The following AKNA variants were observed in gnomAD, a reference collection of about 807,000 sequenced individuals.
The protein encoded by AKNA is AT-hook transcription factor.
A neutral mutation model predicts 138.8 loss-of-function variants in AKNA; 67 were observed. The observed-to-expected ratio is 0.48, with a 90% confidence interval of 0.40 to 0.59. The LOEUF (loss-of-function observed/expected upper bound fraction) is 0.59, where lower values mean the gene tolerates loss of function less well. Ranked by LOEUF, AKNA falls within the 20% of genes least tolerant of loss-of-function variation. The pLI, the probability that AKNA is intolerant of heterozygous loss-of-function variation, is 0.00. For missense variants in AKNA, 1,813 were observed against 1,880.4 expected, an observed-to-expected ratio of 0.96 and a Z score of 0.66; for synonymous variants, 737 against 754.4, an observed-to-expected ratio of 0.98 and a Z score of 0.38.
At chr9:114,378,421 G>T (rs1020015965) in intron 2 of AKNA, among the ~76,000 whole-genome samples, 3 of 152,194 alleles carry the variant, frequency 2.0e-5, no homozygotes, top group Non-Finnish European at 4.4e-5. Flanking sequence ...TATTTGTGCA[G>T]TTGTTTCATT....
intron 11 of AKNA, among the ~76,000 whole-genome samples, chr9:114,358,679 A>G (rs1831686523): frequency 6.6e-6 from 1 of 152,050 alleles, no homozygotes; most frequent in African/African-American, 2.4e-5. Context: ...TTTCCACAGA[A>G]GTTCAAGAGA....
At chr9:114,365,239 T>C (rs4979369) in intron 6 of AKNA, among the ~76,000 whole-genome samples, 63,759 of 152,104 alleles carry the variant, frequency 0.42, 15,384 homozygotes, top group South Asian at 0.59. Context: ...ACATGTCCTT[T>C]GCATCCTTTG....
chr9:114,336,786 G>C lies in AKNA; in HGVS notation c.*268C>G. 2 of 407,420 alleles carry C rather than the reference G, an allele frequency of 4.9e-6. No homozygotes were observed. Among genetic ancestry groups the C allele is most frequent in the South Asian group, 2.0e-4 (2 of 9,896 alleles). The allele number at this position is 407,420 out of a possible 1,614,324, so 25.2% of individuals were successfully genotyped here. On this transcript the variant is annotated 3_prime_UTR_variant, in exon 22 of 22. Transcript: ENST00000374088. The stretch of plus-strand genomic sequence containing the variant: ...TGCAGGACCAGGAGAGACTGCCTGA[G>C]GTTCTGCCTGGACCGAAGGAGGCCT...
intron 14 of AKNA, among the ~76,000 whole-genome samples, chr9:114,353,261 G>T (rs201316004): frequency 1.0e-4 from 15 of 147,650 alleles, no homozygotes; most frequent in East Asian, 2.0e-4. Context: ...CTTATTTTTT[G>T]TTTTTTTTTT....
intron 15 of AKNA, among the ~76,000 whole-genome samples, chr9:114,349,758 T>C (rs1292093843): frequency 6.6e-6 from 1 of 152,200 alleles, no homozygotes; most frequent in Non-Finnish European, 1.5e-5. Context: ...CTTCCTTTAC[T>C]GCTCAACACT....
upstream of AKNA, among the ~76,000 whole-genome samples, chr9:114,389,016 G>T (rs1834227871): frequency 6.6e-6 from 1 of 152,178 alleles, no homozygotes; most frequent in African/African-American, 2.4e-5. Context: ...AAGAGTAATG[G>T]GTTGGAGGAG....
At chr9:114,358,223 G>C in intron 11 of AKNA, 56 bp from the exon 12 acceptor site, 1 of 1,606,434 alleles carries the variant, frequency 6.2e-7, no homozygotes. Context: ...CTGACGCAGG[G>C]GTTGGCCTGT....
At position 114,369,090 on chromosome 9, in the gene AKNA, G is replaced by A. The variant is rs558332003; in HGVS notation, c.1417-495C>T. The stretch of plus-strand genomic sequence containing the variant: ...TAATAATAGCAACTAATAGCTATTC[G>A]AATGAATGAGTGAACCAGCAAGTAA... On this transcript the variant is annotated intron_variant, in intron 4 of 21. Transcript: ENST00000374088. Among the ~76,000 whole-genome samples the A allele has an allele frequency of 5.3e-5, 8 of 152,046 alleles. No individual in the cohort carries two copies. In the East Asian group the frequency reaches 7.7e-4, roughly 15 times the overall value.
upstream of AKNA, chr9:114,396,606 G>A (rs4979376): frequency 0.42 from 62,918 of 151,526 alleles, 14,117 homozygotes; most frequent in Middle Eastern, 0.53. Flanking sequence ...TTGAACCTGG[G>A]CGGCAGATGT....
At chr9:114,385,325 G>C (rs1564099514) in intron 1 of AKNA, among the ~76,000 whole-genome samples, 1 of 152,160 alleles carries the variant, frequency 6.6e-6, no homozygotes, top group Non-Finnish European at 1.5e-5. Context: ...AGTGGCCCTG[G>C]GATAGGGCCC....
At chr9:114,365,519 G>A (rs538907122) in intron 6 of AKNA, among the ~76,000 whole-genome samples, 1 of 152,200 alleles carries the variant, frequency 6.6e-6, no homozygotes, top group Admixed American at 6.5e-5. Context: ...TCGGTTTTAA[G>A]AAAGCTCTAG....
At chr9:114,393,618 G>C (rs943801369) in intron 1 of AKNA, among the ~76,000 whole-genome samples, 7 of 152,058 alleles carry the variant, frequency 4.6e-5, no homozygotes, top group African/African-American at 1.7e-4. Flanking sequence ...GGTGATCATT[G>C]AAAGAAATTG....
At chr9:114,388,755 C>T (rs1564103468), upstream of AKNA, among the ~76,000 whole-genome samples, 1 of 152,208 alleles carries the variant, frequency 6.6e-6, no homozygotes. Flanking sequence ...TTTTAAATCA[C>T]CTGGGAATAT....
At chr9:114,332,741 C>A (rs1321172046), downstream of AKNA, among the ~76,000 whole-genome samples, 1 of 152,156 alleles carries the variant, frequency 6.6e-6, no homozygotes, top group Non-Finnish European at 1.5e-5. Context: ...GGCCACCCTG[C>A]TCCTCAGTTA....
At chr9:114,346,510 G>T (rs763355736) in intron 17 of AKNA, among the ~76,000 whole-genome samples, 159 bp downstream of exon 17, 1 of 152,286 alleles carries the variant, frequency 6.6e-6, no homozygotes, top group Admixed American at 6.5e-5. Context: ...CAGGACTTTA[G>T]AAGTGCTCTG....
upstream of AKNA, among the ~76,000 whole-genome samples, chr9:114,390,377 C>T (rs1054206013): frequency 6.6e-5 from 10 of 150,438 alleles, no homozygotes; most frequent in Non-Finnish European, 1.3e-4. Flanking sequence ...CTTAGTTTGG[C>T]CCATCTTTCA....
At chr9:114,348,143 T>C (rs1012179917) in intron 15 of AKNA, among the ~76,000 whole-genome samples, 1 of 152,172 alleles carries the variant, frequency 6.6e-6, no homozygotes, top group African/African-American at 2.4e-5. Context: ...AGTTTTCTCT[T>C]CCTAACACAT....
rs1830011035 is a variant in AKNA at position 114,336,678 on chromosome 9, C to T, written c.*376G>A. ...CTTGTCTGGCCCCCTAAAGAGGACC[C>T]AAGATCAGGAAAACTCCCCAGTTTA... is the stretch of plus-strand genomic sequence containing the variant. On this transcript the variant is annotated 3_prime_UTR_variant, in exon 22 of 22. Coordinates refer to ENST00000374088, the MANE Select transcript of AKNA (RefSeq NM_001317950.2). The T allele has an allele frequency of 5.0e-6, 1 of 201,446 alleles. No individual in the cohort carries two copies. The highest frequency in any genetic ancestry group is 2.3e-5 in the African/African-American group (1 of 43,508). 12.5% of individuals were successfully genotyped at this position (201,446 alleles called of 1,614,324 possible).
rs1564616121 is a variant in AKNA at position 114,342,046 on chromosome 9, AGACCCAACTT to A, written c.3827_3836del (p.Gln1276LeufsTer117). 6.2e-7 allele frequency: 1 copy of A among 1,613,972 alleles called. No homozygotes were observed. Among genetic ancestry groups the A allele is most frequent in the African/African-American group, 1.3e-5 (1 of 75,016 alleles). On this transcript the variant is annotated frameshift_variant, in exon 20 of 22. Coordinates refer to ENST00000374088, the MANE Select transcript of AKNA (RefSeq NM_001317950.2). LOFTEE classifies it high-confidence loss of function. ...AGCCTGGACCATCTGCCTCTGGGGGAGACCCAACTTGACCACACAGGGGACACTGAAGGGT... is the reference window on the plus strand; with the variant it reads ...AGCCTGGACCATCTGCCTCTGGGGGAGACCACACAGGGGACACTGAAGGGT...
Sources: gnomAD v4.1 joint callset for allele counts (sites outside exome capture counted in the v4.1 genomes callset) on GRCh38, gnomAD v4.1.1 for gene constraint, MANE v1.5 for transcripts, NCBI Gene and HGNC (gene_info 2026-07-23, HGNC 2026-07-21) for gene names.